GGH: variants seen among roughly 807,000 people sequenced by gnomAD.
GGH encodes gamma-glutamyl hydrolase, also known as gamma-Glu-X carboxypeptidase.
In GGH, 18 loss-of-function variants were observed where a neutral mutation model predicts 39.2. The ratio of observed to expected loss-of-function variants is 0.46; its 90% CI spans 0.32 to 0.68. The LOEUF (loss-of-function observed/expected upper bound fraction) is 0.68, where lower values mean the gene tolerates loss of function less well. Ranked by LOEUF, GGH falls within the 30% of genes least tolerant of loss-of-function variation. The pLI is 0.04. For synonymous variants in GGH, 147 were observed against 138.8 expected (o/e 1.06, Z -0.42); for missense variants, 367 against 384.1 (o/e 0.96, Z 0.37).
chr8:63,029,599 A>G (rs920620506), intron 3 of GGH, among the ~76,000 whole-genome samples: 1 of 152,152 alleles, frequency 6.6e-6, no homozygotes, highest in African/African-American at 2.4e-5. Context: ...GTATTGCAAT[A>G]TTACCCCAAA....
intron 8 of GGH, among the ~76,000 whole-genome samples, chr8:63,016,403 A>G (rs535298118): frequency 3.5e-4 from 53 of 152,174 alleles, no homozygotes; most frequent in Non-Finnish European, 4.6e-4. Flanking sequence ...CTCAGTAGGA[A>G]GTACTTGACT....
intron 3 of GGH, among the ~76,000 whole-genome samples, chr8:63,027,885 A>G (rs1804726668): frequency 6.6e-6 from 1 of 152,166 alleles, no homozygotes; most frequent in African/African-American, 2.4e-5. Flanking sequence ...ATTATTTTAC[A>G]CACTTATAAA....
At position 63,024,089 on chromosome 8, in the gene GGH, G is replaced by C; in HGVS notation, c.597C>G (p.Leu199=). 2 of 1,594,840 alleles carry C rather than the reference G, an allele frequency of 1.3e-6. No individual in the cohort carries two copies. The highest frequency in any genetic ancestry group is 1.3e-5 in the African/African-American group (1 of 74,680). ...GTAATTAGTGTGATACCTTCACGGA[G>C]AGGCTCCACTTATGGAAATTGGCAG... ...PLTANFHKWS[L]SVKNFTMNEK... Residue 199 remains leucine, a synonymous_variant, in exon 6 of 9, where the codon CTC becomes CTG. Coordinates refer to ENST00000260118, the MANE Select transcript of GGH (RefSeq NM_003878.3).
chr8:63,037,998 A>AT (rs1278998139), intron 1 of GGH, among the ~76,000 whole-genome samples: 1 of 152,198 alleles, frequency 6.6e-6, no homozygotes, highest in Non-Finnish European at 1.5e-5. Flanking sequence ...CTTTGGGCAA[A>AT]TTTTAACCCC....
At position 63,030,236 on chromosome 8, in the gene GGH, A is replaced by T; in HGVS notation, c.225-19T>A. 1 of 1,181,562 alleles carries T rather than the reference A, an allele frequency of 8.5e-7. No individual in the cohort carries two copies. The highest frequency in any genetic ancestry group is 1.2e-5 in the South Asian group (1 of 80,824). The allele number at this position is 1,181,562 out of a possible 1,614,324, so 73.2% of individuals were successfully genotyped here. ...ATCCAGCCTGAAAACAATAAAAGTT[A>T]TTGTTACATTTGTGAAACTTAGAAG... On this transcript the variant is annotated intron_variant, in intron 2 of 8. Transcript: ENST00000260118.
chr8:63,023,765 A>G (rs144039680), intron 7 of GGH, 142 bp downstream of exon 7: 94 of 509,844 alleles, frequency 1.8e-4, no homozygotes, highest in African/African-American at 1.7e-3. Context: ...AACATGGACA[A>G]AACATGTCTC....
rs768677002 is a variant in GGH at position 63,024,051 on chromosome 8, T to C, written c.606+29A>G. 6 of 1,543,426 alleles carry C rather than the reference T, an allele frequency of 3.9e-6. No individual in the cohort carries two copies. The African/African-American group carries it at 5.5e-5, about 14-fold the overall frequency. On this transcript the variant is annotated intron_variant, in intron 6 of 8. Transcript: ENST00000260118. ...TACTTCTGCAGTTATTCTAAACATA[T>C]TAATTTCATTGTGTAATTAGTGTGA... is the stretch of plus-strand genomic sequence containing the variant.
chr8:63,015,598 A>T, intron 8 of GGH, 145 bp from the exon 9 acceptor site: 1 of 428,390 alleles, frequency 2.3e-6, no homozygotes. Flanking sequence ...CCTATAGAAC[A>T]GCCATCTTTT....
intron 3 of GGH, 103 bp from the exon 4 acceptor site, chr8:63,027,368 C>A: frequency 1.6e-6 from 1 of 615,580 alleles, no homozygotes; most frequent in Non-Finnish European, 2.9e-6. Flanking sequence ...TTTCTTATTA[C>A]ATATGCAATA....
intron 7 of GGH, among the ~76,000 whole-genome samples, chr8:63,019,307 C>T (rs943713466): frequency 1.3e-5 from 2 of 152,178 alleles, no homozygotes; most frequent in Non-Finnish European, 2.9e-5. Context: ...ACAGACATCT[C>T]AGTTGGGTCA....
chr8:63,034,035 A>AAT (rs1371556964), intron 2 of GGH, among the ~76,000 whole-genome samples: 19 of 145,990 alleles, frequency 1.3e-4, no homozygotes, highest in Non-Finnish European at 2.5e-4. Context: ...TATATATAAA[A>AAT]ATATATATAT....
intron 1 of GGH, among the ~76,000 whole-genome samples, chr8:63,038,034 C>T (rs1412832785): frequency 6.6e-6 from 1 of 152,190 alleles, no homozygotes; most frequent in East Asian, 1.9e-4. Flanking sequence ...AGGTAGCTTT[C>T]CTTGGGCCTG....
At chr8:63,034,692 G>A (rs1804867205) in intron 2 of GGH, among the ~76,000 whole-genome samples, 1 of 152,112 alleles carries the variant, frequency 6.6e-6, no homozygotes, top group Non-Finnish European at 1.5e-5. Context: ...AAATAATGCA[G>A]TGCCTTTAAA....
chr8:63,015,493 C>A lies in GGH; in HGVS notation c.836-40G>T, dbSNP rs774495134. 87 of 1,309,180 alleles carry A rather than the reference C, an allele frequency of 6.6e-5. No homozygotes were observed. The Admixed American group carries it at 1.8e-3, about 27-fold the overall frequency. The allele number at this position is 1,309,180 out of a possible 1,614,324, so 81.1% of individuals were successfully genotyped here. ...GTTAATTTTTAAAAAGATCAGATGA[C>A]AAAATCTTCAAGAGACTATTTTATA... is the stretch of plus-strand genomic sequence containing the variant. On this transcript the variant is annotated intron_variant, in intron 8 of 8. Coordinates refer to ENST00000260118, the MANE Select transcript of GGH (RefSeq NM_003878.3).
intron 3 of GGH, chr8:63,028,575 A>C (rs1440152970): frequency 6.6e-6 from 1 of 152,134 alleles, no homozygotes; most frequent in Non-Finnish European, 1.5e-5. Flanking sequence ...GTCACATTAG[A>C]ATACGGCTCA....
At chr8:63,017,451 A>C (rs753152565) in intron 8 of GGH, 42 bp downstream of exon 8, 1 of 1,481,296 alleles carries the variant, frequency 6.8e-7, no homozygotes, top group East Asian at 2.3e-5. Flanking sequence ...AATTTTCTTC[A>C]AAACTACCCC....
intron 7 of GGH, among the ~76,000 whole-genome samples, chr8:63,018,447 ATGAAG>A (rs920155644): frequency 6.6e-6 from 1 of 152,336 alleles, no homozygotes; most frequent in African/African-American, 2.4e-5. Flanking sequence ...ACTTGGAGAA[ATGAAG>A]TGAATTAATG....
In GGH at chr8:63,024,077, T is replaced by C. The variant is rs1186080914; in HGVS notation, c.606+3A>G. 5 of 1,577,824 alleles carry C rather than the reference T, an allele frequency of 3.2e-6. No homozygotes were observed. The highest frequency in any genetic ancestry group is 1.7e-4 in the Middle Eastern group (1 of 5,982). On this transcript the variant is annotated splice_donor_region_variant and intron_variant, in intron 6 of 8. Transcript: ENST00000260118. ...TAATTTCATTGTGTAATTAGTGTGA[T>C]ACCTTCACGGAGAGGCTCCACTTAT...
rs1393013955 is a variant in GGH, at chr8:63,024,102, T to C, written c.584A>G (p.His195Arg). The change falls in exon 6 of 9, where the codon CAT (histidine) becomes CGT (arginine). Residue 195 changes from histidine (H) to arginine (R), a missense_variant. Physicochemically the swap from His to Arg is conservative, Grantham distance 29 (BLOSUM62 0). Transcript: ENST00000260118. The part of the protein sequence containing the change: ...LAVEPLTANF[H>R]KWSLSVKNFT... ...TACCTTCACGGAGAGGCTCCACTTA[T>C]GGAAATTGGCAGTCAGAGGTTCTAC... 2.5e-6 allele frequency: 4 copies of C among 1,606,690 alleles called. No individual in the cohort carries two copies. Among genetic ancestry groups the C allele is most frequent in the East Asian group, 2.2e-5 (1 of 44,796 alleles).
Sources: allele counts gnomAD v4.1 joint callset (sites outside exome capture counted in the v4.1 genomes callset), GRCh38; gene constraint gnomAD v4.1.1; transcripts MANE v1.5; gene names NCBI Gene and HGNC (gene_info 2026-07-23, HGNC 2026-07-21).